ZNF189: variants seen among roughly 807,000 people sequenced by gnomAD.
ZNF189 encodes zinc finger protein 189.
Under a neutral mutation model 53.5 loss-of-function variants are expected in ZNF189, and 33 were observed. The ratio of observed to expected loss-of-function variants is 0.62; its 90% CI spans 0.47 to 0.82. ZNF189 has a LOEUF of 0.82. ZNF189 is among the 40% of genes least tolerant of loss of function. ZNF189 has a pLI of 0.00. For missense variants in ZNF189, 711 were observed against 753.9 expected (o/e 0.94, Z 0.67); for synonymous variants, 247 against 238.8 (o/e 1.03, Z -0.32).
Position 101,410,424 on chromosome 9 carries a change from C to T in ZNF189, c.*775C>T, listed in dbSNP as rs1441564299. The T allele has an allele frequency of 6.6e-6, 1 of 152,528 alleles. No homozygotes were observed. Among genetic ancestry groups the T allele is most frequent in the African/African-American group, 2.4e-5 (1 of 41,442 alleles). The allele number at this position is 152,528 out of a possible 1,614,324, so 9.4% of individuals were successfully genotyped here. A position where few individuals can be genotyped will look rare whatever the true frequency, so the allele number is the denominator to read the frequency against. Reference sequence around the variant, plus strand: ...GTGAATGAGCTTATCCCTCCACAACCAGGTGCATATGAAAGTGTACATATT... The same window carrying T: ...GTGAATGAGCTTATCCCTCCACAACTAGGTGCATATGAAAGTGTACATATT... On this transcript the variant is annotated 3_prime_UTR_variant, in exon 3 of 3. Transcript: ENST00000339664.
intron 2 of ZNF189, among the ~76,000 whole-genome samples, chr9:101,404,468 A>G (rs1830641520): frequency 6.6e-6 from 1 of 152,140 alleles, no homozygotes; most frequent in African/African-American, 2.4e-5. Flanking sequence ...GTTTAACTGT[A>G]TCCTTTTGTC....
chr9:101,403,363 C>T (rs1036253008), intron 2 of ZNF189, among the ~76,000 whole-genome samples: 2 of 152,156 alleles, frequency 1.3e-5, no homozygotes, highest in Non-Finnish European at 2.9e-5. Flanking sequence ...ACAGTCTTTT[C>T]ATCCTCCTCA....
Position 101,399,153 on chromosome 9 carries a change from G to A in ZNF189, c.-4G>A, listed in dbSNP as rs1052647295. On this transcript the variant is annotated 5_prime_UTR_variant, in exon 1 of 3. Coordinates refer to ENST00000339664, the MANE Select transcript of ZNF189 (RefSeq NM_003452.4). ...AATTCCTGCCCCTATTCTCTGCCTG[G>A]GAGATGGCTTCCCCGAGCCCCCCGC... The A allele has an allele frequency of 1.9e-6, 3 of 1,594,164 alleles. No homozygotes were observed. Among genetic ancestry groups the A allele is most frequent in the Non-Finnish European group, 1.7e-6 (2 of 1,162,904 alleles).
At chr9:101,401,809 T>C (rs1646690320) in intron 2 of ZNF189, among the ~76,000 whole-genome samples, 1 of 152,236 alleles carries the variant, frequency 6.6e-6, no homozygotes, top group African/African-American at 2.4e-5. Context: ...AACTCTTTAT[T>C]GTTTCCCTCC....
chr9:101,403,372 C>G lies in ZNF189; in HGVS notation c.160+3362C>G, dbSNP rs139396453. 1.6e-3 allele frequency among the ~76,000 whole-genome samples: 249 copies of G among 152,230 alleles called. 1 individual carries two copies. Among genetic ancestry groups the G allele is most frequent in the African/African-American group, 5.7e-3 (236 of 41,528 alleles). ...CCTCCCACAGTCTTTTCATCCTCCT[C>G]AATAAACACTATCTCCATCCCTTTG... On this transcript the variant is annotated intron_variant, in intron 2 of 2. Coordinates refer to ENST00000339664, the MANE Select transcript of ZNF189 (RefSeq NM_003452.4).
At position 101,399,525 on chromosome 9, in the gene ZNF189, C is replaced by G. The variant is rs981360487; in HGVS notation, c.33+336C>G. 7.0e-6 allele frequency: 9 copies of G among 1,281,114 alleles called. No homozygotes were observed. The South Asian group carries it at 1.3e-4, about 19-fold the overall frequency. 79.4% of individuals were successfully genotyped at this position (1,281,114 alleles called of 1,614,324 possible). ...TCTGTTCCTGGCACAGTGCCTGGACCCCAAGGTACACGCTTAGAGAACCTC... is the reference window on the plus strand; with the variant it reads ...TCTGTTCCTGGCACAGTGCCTGGACGCCAAGGTACACGCTTAGAGAACCTC... On this transcript the variant is annotated intron_variant, in intron 1 of 2. Transcript: ENST00000339664.
Position 101,408,381 on chromosome 9 carries a change from G to C in ZNF189, c.613G>C (p.Glu205Gln). Residue 205 changes from glutamate to glutamine, a missense_variant, in exon 3 of 3, where the codon GAG becomes CAG. Coordinates refer to ENST00000339664, the MANE Select transcript of ZNF189 (RefSeq NM_003452.4). ...QRIHTGERPY[E>Q]CNYCGKTFSV... ...AATTCACACTGGGGAAAGGCCCTATGAGTGTAATTACTGTGGAAAAACCTT... is the reference window on the plus strand; with the variant it reads ...AATTCACACTGGGGAAAGGCCCTATCAGTGTAATTACTGTGGAAAAACCTT... The C allele has an allele frequency of 6.2e-7, 1 of 1,610,520 alleles. No individual in the cohort carries two copies. The highest frequency in any genetic ancestry group is 8.5e-7 in the Non-Finnish European group (1 of 1,178,916).
At chr9:101,403,680 A>G (rs559146751) in intron 2 of ZNF189, among the ~76,000 whole-genome samples, 1 of 152,350 alleles carries the variant, frequency 6.6e-6, no homozygotes, top group African/African-American at 2.4e-5. Flanking sequence ...GTGTCTTCAC[A>G]TGGCAGAAGG....
chr9:101,398,942 T>A lies in ZNF189; in HGVS notation c.-215T>A, dbSNP rs1397586022. 34 of 614,036 alleles carry A rather than the reference T, an allele frequency of 5.5e-5. No individual in the cohort carries two copies. The highest frequency in any genetic ancestry group is 9.3e-5 in the Non-Finnish European group (32 of 344,806). The allele number at this position is 614,036 out of a possible 1,614,324, so 38.0% of individuals were successfully genotyped here. A position where few individuals can be genotyped will look rare whatever the true frequency, so the allele number is the denominator to read the frequency against. On this transcript the variant is annotated 5_prime_UTR_variant, in exon 1 of 3. Transcript: ENST00000339664. ...GAAAGGCTGCGTAACCAGGCAGGAGTAGGGGTTGGGGTTCGGGGTTGGGGG... is the reference window on the plus strand; with the variant it reads ...GAAAGGCTGCGTAACCAGGCAGGAGAAGGGGTTGGGGTTCGGGGTTGGGGG...
chr9:101,399,871 C>G lies in ZNF189; in HGVS notation c.34-13C>G, dbSNP rs1564066034. ...GACAACAGGAACTGACTACAGAAAT[C>G]ATACTATTTCAGGGGTTGCTGACAT... is the stretch of plus-strand genomic sequence containing the variant. On this transcript the variant is annotated splice_polypyrimidine_tract_variant and intron_variant, in intron 1 of 2. Coordinates refer to ENST00000339664, the MANE Select transcript of ZNF189 (RefSeq NM_003452.4). 1 of 1,613,822 alleles carries G rather than the reference C, an allele frequency of 6.2e-7. No homozygotes were observed. The highest frequency in any genetic ancestry group is 1.3e-5 in the African/African-American group (1 of 74,904).
intron 2 of ZNF189, among the ~76,000 whole-genome samples, chr9:101,405,436 A>G (rs2777345): frequency 0.51 from 77,690 of 151,960 alleles, 20,106 homozygotes; most frequent in South Asian, 0.68. Context: ...CTTTGAGACT[A>G]TAGGGTAATG....
Position 101,399,871 on chromosome 9 carries a change from C to CAT in ZNF189, c.34-11_34-10dup, listed in dbSNP as rs1564066039. The stretch of plus-strand genomic sequence containing the variant: ...GACAACAGGAACTGACTACAGAAAT[C>CAT]ATACTATTTCAGGGGTTGCTGACAT... On this transcript the variant is annotated splice_polypyrimidine_tract_variant and intron_variant, in intron 1 of 2. Coordinates refer to ENST00000339664, the MANE Select transcript of ZNF189 (RefSeq NM_003452.4). 3 of 1,613,940 alleles carry CAT rather than the reference C, an allele frequency of 1.9e-6. No individual in the cohort carries two copies. The highest frequency in any genetic ancestry group is 2.5e-6 in the Non-Finnish European group (3 of 1,179,954).
In ZNF189 at chr9:101,408,828, A is replaced by G; in HGVS notation, c.1060A>G (p.Ser354Gly). The change falls in exon 3 of 3, where the codon AGT (serine) becomes GGT (glycine). Residue 354 changes from serine to glycine, a missense_variant. Physicochemically the swap from Ser to Gly is moderately conservative, Grantham distance 56. Coordinates refer to ENST00000339664, the MANE Select transcript of ZNF189 (RefSeq NM_003452.4). ...FLCIECGKSF[S>G]RSSFLIEHQR... ...TTGTATTGAGTGTGGAAAAAGTTTC[A>G]GTCGGAGCTCATTCCTTATTGAACA... 2 of 1,614,198 alleles carry G rather than the reference A, an allele frequency of 1.2e-6. No individual in the cohort carries two copies. The highest frequency in any genetic ancestry group is 1.7e-6 in the Non-Finnish European group (2 of 1,180,022).
At chr9:101,399,816 T>C (rs898795264) in intron 1 of ZNF189, 68 bp from the exon 2 acceptor site, 6 of 1,605,536 alleles carry the variant, frequency 3.7e-6, no homozygotes, top group Non-Finnish European at 5.1e-6. Flanking sequence ...TGATTGCCTC[T>C]GTCACTTTTA....
At position 101,399,046 on chromosome 9, in the gene ZNF189, C is replaced by T; in HGVS notation, c.-111C>T. 1 of 815,800 alleles carries T rather than the reference C, an allele frequency of 1.2e-6. No individual in the cohort carries two copies. The highest frequency in any genetic ancestry group is 2.6e-5 in the East Asian group (1 of 38,336). The allele number at this position is 815,800 out of a possible 1,614,324, so 50.5% of individuals were successfully genotyped here. ...GAGGCAGGCACTGGCCAGACCCAGCCAGGGATCCTCGTATTCGTCGAGCCT... is the reference window on the plus strand; with the variant it reads ...GAGGCAGGCACTGGCCAGACCCAGCTAGGGATCCTCGTATTCGTCGAGCCT... On this transcript the variant is annotated 5_prime_UTR_variant, in exon 1 of 3. Transcript: ENST00000339664.
rs1830675228 is a variant in ZNF189 at position 101,405,495 on chromosome 9, A to G, written c.161-2434A>G. On this transcript the variant is annotated intron_variant, in intron 2 of 2. Transcript: ENST00000339664. The stretch of plus-strand genomic sequence containing the variant: ...AATTAAAGGTGGGGAAAGGCATGAA[A>G]GCAGATGATGATGACCATGTTAATT... 2.0e-5 allele frequency among the ~76,000 whole-genome samples: 3 copies of G among 152,306 alleles called. No individual in the cohort carries two copies. The South Asian group carries it at 6.2e-4, about 32-fold the overall frequency.
chr9:101,404,046 C>T (rs1179884978), intron 2 of ZNF189, among the ~76,000 whole-genome samples: 1 of 152,202 alleles, frequency 6.6e-6, no homozygotes, highest in Admixed American at 6.5e-5. Flanking sequence ...TGGCGAAACC[C>T]ACTTTGAGAC....
At chr9:101,407,669 AC>A in intron 2 of ZNF189, 1 of 442,852 alleles carries the variant, frequency 2.3e-6, no homozygotes, top group Non-Finnish European at 3.9e-6. Context: ...TGCTGGGATT[AC>A]AGGCATGAGC....
At chr9:101,402,997 TATC>T (rs1234081522) in intron 2 of ZNF189, among the ~76,000 whole-genome samples, 1 of 152,170 alleles carries the variant, frequency 6.6e-6, no homozygotes, top group Non-Finnish European at 1.5e-5. Context: ...CTTAATTTCT[TATC>T]ATATAGGACC....
Sources: gnomAD v4.1 joint callset for allele counts (sites outside exome capture counted in the v4.1 genomes callset) on GRCh38, gnomAD v4.1.1 for gene constraint, MANE v1.5 for transcripts, NCBI Gene and HGNC (gene_info 2026-07-23, HGNC 2026-07-21) for gene names.